The following FOLH1 variants were observed in gnomAD, a reference collection of about 807,000 sequenced individuals.
FOLH1 encodes folate hydrolase 1.
A neutral mutation model predicts 93.9 loss-of-function variants in FOLH1; 54 were observed. The ratio of observed to expected loss-of-function variants is 0.57; its 90% CI spans 0.46 to 0.72. FOLH1 has a LOEUF of 0.72. Ranked by LOEUF, FOLH1 falls within the 30% of genes least tolerant of loss-of-function variation. The probability of loss-of-function intolerance (pLI) is 0.00; values close to 1 mark genes in which losing one functional copy is unlikely to be tolerated. For synonymous variants in FOLH1, 249 were observed against 303.6 expected (o/e 0.82, Z 1.87); for missense variants, 571 against 892.5 (o/e 0.64, Z 4.59).
chr11:49,187,962 C>T (rs1861602677), intron 4 of FOLH1, among the ~76,000 whole-genome samples: 1 of 152,214 alleles, frequency 6.6e-6, no homozygotes, highest in Admixed American at 6.5e-5. Flanking sequence ...TATCCTTCAG[C>T]TGGCATTGCA....
chr11:49,175,790 C>T, intron 8 of FOLH1, 69 bp downstream of exon 8: 2 of 1,391,374 alleles, frequency 1.4e-6, no homozygotes, highest in Non-Finnish European at 2.0e-6. Context: ...CTTTTTCTGT[C>T]ATCCTCTATA....
chr11:49,204,613 G>A (rs1038077820), intron 2 of FOLH1, among the ~76,000 whole-genome samples: 1 of 152,146 alleles, frequency 6.6e-6, no homozygotes, highest in Non-Finnish European at 1.5e-5. Context: ...AGAAGTTCGA[G>A]CTTCAGAGTC....
chr11:49,168,044 C>CT (rs11345881), intron 12 of FOLH1, among the ~76,000 whole-genome samples: 14,155 of 138,246 alleles, frequency 0.1, 839 homozygotes, highest in South Asian at 0.19. Flanking sequence ...TCATTTAGTC[C>CT]TTTTTTTTTT....
chr11:49,148,600 A>T (rs1355796348), intron 18 of FOLH1, 39 bp downstream of exon 18: 5 of 1,392,198 alleles, frequency 3.6e-6, no homozygotes, highest in Non-Finnish European at 4.9e-6. Context: ...TAGAAGAAAA[A>T]GTGATATTAC....
chr11:49,154,325 A>T lies in FOLH1; in HGVS notation c.1791T>A (p.Cys597Ter). 1 of 1,613,502 alleles carries T rather than the reference A, an allele frequency of 6.2e-7. No individual in the cohort carries two copies. The highest frequency in any genetic ancestry group is 1.1e-5 in the South Asian group (1 of 91,064). ...TTCTTAAAACTACAGCATAATCTCG[A>T]CAATCAAAAGGGAGCACTATGGAAT... ...LANSIVLPFD[C>*]RDYAVVLRKY... The change falls in exon 16 of 19, where the codon TGT (cysteine) becomes TGA (stop). Residue 597 changes from cysteine to a stop codon, truncating the protein, a stop_gained. Transcript: ENST00000256999. LOFTEE classifies it high-confidence loss of function.
intron 7 of FOLH1, among the ~76,000 whole-genome samples, chr11:49,180,490 G>T (rs1210024902): frequency 6.6e-6 from 1 of 152,158 alleles, no homozygotes; most frequent in Non-Finnish European, 1.5e-5. Flanking sequence ...TAAGTTCTCA[G>T]CATTCTTCGG....
At chr11:49,159,628 A>T (rs1857434162) in intron 13 of FOLH1, among the ~76,000 whole-genome samples, 1 of 152,150 alleles carries the variant, frequency 6.6e-6, no homozygotes, top group Non-Finnish European at 1.5e-5. Context: ...TGGTATTGGG[A>T]TGATGCTGGC....
intron 12 of FOLH1, among the ~76,000 whole-genome samples, chr11:49,167,287 G>C (rs1413549440): frequency 6.6e-6 from 1 of 152,058 alleles, no homozygotes; most frequent in Non-Finnish European, 1.5e-5. Context: ...GCCCTTACAG[G>C]AGCCTTTGAG....
intron 12 of FOLH1, among the ~76,000 whole-genome samples, chr11:49,168,755 G>A (rs1227583150): frequency 1.3e-5 from 2 of 152,124 alleles, no homozygotes; most frequent in Non-Finnish European, 2.9e-5. Context: ...ACAGGCGTGA[G>A]CCACCGCACC....
At chr11:49,162,047 G>T (rs964990230) in intron 13 of FOLH1, among the ~76,000 whole-genome samples, 2 of 152,128 alleles carry the variant, frequency 1.3e-5, no homozygotes, top group African/African-American at 4.8e-5. Context: ...CCCTCTAGCT[G>T]CCTTTAACAT....
At chr11:49,180,932 G>A (rs559300656) in intron 7 of FOLH1, among the ~76,000 whole-genome samples, 1 of 152,122 alleles carries the variant, frequency 6.6e-6, no homozygotes, top group East Asian at 1.9e-4. Flanking sequence ...CAGATGAATT[G>A]TGTTTGTTAT....
chr11:49,201,840 G>A (rs1863291610), intron 2 of FOLH1, among the ~76,000 whole-genome samples: 1 of 152,144 alleles, frequency 6.6e-6, no homozygotes, highest in African/African-American at 2.4e-5. Context: ...AATTACTATG[G>A]GGAATCTTGA....
chr11:49,162,902 A>T (rs1857884545), intron 13 of FOLH1: 1 of 151,806 alleles, frequency 6.6e-6, no homozygotes, highest in African/African-American at 2.4e-5. Context: ...TGGAGGAATC[A>T]TCGGTGATGG....
At chr11:49,205,190 G>C (rs963616805) in intron 2 of FOLH1, among the ~76,000 whole-genome samples, 1 of 151,262 alleles carries the variant, frequency 6.6e-6, no homozygotes, top group African/African-American at 2.4e-5. Context: ...GGCAACAAGA[G>C]CGAAACTCCA....
intron 7 of FOLH1, among the ~76,000 whole-genome samples, chr11:49,177,785 T>TAAAAAA (rs747990555): frequency 9.6e-6 from 1 of 104,080 alleles, no homozygotes; most frequent in Non-Finnish European, 1.8e-5. Context: ...CCGTCTCTAC[T>TAAAAAA]AAAAAAAAAA....
chr11:49,157,265 G>A (rs1159824680), intron 14 of FOLH1, among the ~76,000 whole-genome samples: 1 of 151,724 alleles, frequency 6.6e-6, no homozygotes, highest in Non-Finnish European at 1.5e-5. Context: ...AATGATGCTT[G>A]CATTTTTATT....
At chr11:49,170,283 T>C (rs1481224139) in intron 11 of FOLH1, among the ~76,000 whole-genome samples, 1 of 152,194 alleles carries the variant, frequency 6.6e-6, no homozygotes, top group Admixed American at 6.6e-5. Context: ...TAATTTAACA[T>C]AGAGCAGGTC....
intron 4 of FOLH1, 160 bp downstream of exon 4, chr11:49,192,631 CAA>C: frequency 2.3e-6 from 1 of 442,450 alleles, no homozygotes; most frequent in Non-Finnish European, 4.0e-6. Context: ...AAAATATAAT[CAA>C]TATTCCTTCT....
intron 3 of FOLH1, among the ~76,000 whole-genome samples, chr11:49,193,776 T>C (rs377208200): frequency 2.6e-5 from 4 of 152,262 alleles, no homozygotes; most frequent in East Asian, 3.9e-4. Flanking sequence ...TCAAAGCCTA[T>C]GGCCCCATGA....
Sources: gnomAD v4.1 joint callset for allele counts (sites outside exome capture counted in the v4.1 genomes callset) on GRCh38, gnomAD v4.1.1 for gene constraint, MANE v1.5 for transcripts, NCBI Gene and HGNC (gene_info 2026-07-23, HGNC 2026-07-21) for gene names.